Variants in PPM1E observed in about 807,000 individuals in gnomAD.
PPM1E encodes protein phosphatase 1E.
A neutral mutation model predicts 65.9 loss-of-function variants in PPM1E; 20 were observed. That is an observed-to-expected ratio of 0.30 (90% CI 0.21 to 0.44). The LOEUF (loss-of-function observed/expected upper bound fraction) is 0.44, where lower values mean the gene tolerates loss of function less well. Ranked by LOEUF, PPM1E falls within the 20% of genes least tolerant of loss-of-function variation. PPM1E has a pLI of 1.00. For synonymous variants in PPM1E, 352 were observed against 374.9 expected, an observed-to-expected ratio of 0.94 and a Z score of 0.70; for missense variants, 713 against 953.1, an observed-to-expected ratio of 0.75 and a Z score of 3.32.
intron 1 of PPM1E, among the ~76,000 whole-genome samples, chr17:58,928,355 A>G (rs946876266): frequency 4.6e-5 from 7 of 152,030 alleles, no homozygotes; most frequent in Non-Finnish European, 7.4e-5. Flanking sequence ...TTGATATTTG[A>G]AAGAAATTAT....
At chr17:58,969,839 A>G in intron 4 of PPM1E, 112 bp downstream of exon 4, 1 of 1,006,046 alleles carries the variant, frequency 9.9e-7, no homozygotes, top group Non-Finnish European at 1.4e-6. Flanking sequence ...CATTATCCAA[A>G]CTGTATTCTT....
intron 1 of PPM1E, among the ~76,000 whole-genome samples, chr17:58,877,993 T>C (rs1390501931): frequency 6.6e-6 from 1 of 151,484 alleles, no homozygotes; most frequent in East Asian, 1.9e-4. Context: ...AAAAAAAAAT[T>C]ATGGTTCTGT....
At chr17:58,892,533 A>G (rs1255586904) in intron 1 of PPM1E, among the ~76,000 whole-genome samples, 1 of 152,124 alleles carries the variant, frequency 6.6e-6, no homozygotes, top group Non-Finnish European at 1.5e-5. Context: ...CGATCACACC[A>G]CTGCACTCCA....
chr17:58,883,003 G>A (rs2143397863), intron 1 of PPM1E, among the ~76,000 whole-genome samples: 1 of 136,850 alleles, frequency 7.3e-6, no homozygotes, highest in Admixed American at 8.0e-5. Context: ...CACCCAGGCT[G>A]GAGTGCAGTG....
At chr17:58,959,471 C>T (rs1050778274) in intron 2 of PPM1E, among the ~76,000 whole-genome samples, 2 of 151,530 alleles carry the variant, frequency 1.3e-5, no homozygotes, top group African/African-American at 2.4e-5. Flanking sequence ...TGGTGGCGGG[C>T]GCCTGTAGTC....
intron 1 of PPM1E, among the ~76,000 whole-genome samples, chr17:58,872,142 A>G (rs1027343547): frequency 1.3e-5 from 2 of 152,106 alleles, no homozygotes; most frequent in African/African-American, 4.8e-5. Flanking sequence ...TACTAAAAAT[A>G]CAAAATTAGC....
chr17:58,832,873 G>A (rs1436761480), intron 1 of PPM1E, among the ~76,000 whole-genome samples: 1 of 152,100 alleles, frequency 6.6e-6, no homozygotes, highest in Non-Finnish European at 1.5e-5. Context: ...GAGTGCAGTG[G>A]TGTGGTCTTA....
At chr17:58,785,117 G>T (rs555311515) in intron 1 of PPM1E, among the ~76,000 whole-genome samples, 1 of 151,956 alleles carries the variant, frequency 6.6e-6, no homozygotes, top group South Asian at 2.1e-4. Context: ...TTTCATTTAG[G>T]TCTAAGATTT....
At chr17:58,955,615 T>C in intron 1 of PPM1E, 34 bp from the exon 2 acceptor site, 1 of 1,609,104 alleles carries the variant, frequency 6.2e-7, no homozygotes, top group Non-Finnish European at 8.5e-7. Context: ...CTAATTCTTT[T>C]GCTGAAAATG....
chr17:58,863,339 A>G (rs2050962631), intron 1 of PPM1E, among the ~76,000 whole-genome samples: 1 of 152,184 alleles, frequency 6.6e-6, no homozygotes, highest in Non-Finnish European at 1.5e-5. Context: ...GGGAGCATGC[A>G]GGTGAGCAGT....
intron 1 of PPM1E, among the ~76,000 whole-genome samples, chr17:58,925,604 C>G (rs899649353): frequency 6.6e-6 from 1 of 151,702 alleles, no homozygotes; most frequent in African/African-American, 2.4e-5. Flanking sequence ...CCATGCCCAG[C>G]TAATTTTTTG....
At chr17:58,933,573 AT>A (rs2051931564) in intron 1 of PPM1E, among the ~76,000 whole-genome samples, 1 of 152,204 alleles carries the variant, frequency 6.6e-6, no homozygotes, top group Non-Finnish European at 1.5e-5. Flanking sequence ...AGGTGGGTGG[AT>A]CACCTGAGAT....
At chr17:58,860,810 G>A (rs1233725233) in intron 1 of PPM1E, among the ~76,000 whole-genome samples, 1 of 152,124 alleles carries the variant, frequency 6.6e-6, no homozygotes, top group Non-Finnish European at 1.5e-5. Context: ...CGGGCATGGT[G>A]CACATGTAAT....
chr17:58,898,558 G>T (rs1415928196), intron 1 of PPM1E, among the ~76,000 whole-genome samples: 1 of 152,152 alleles, frequency 6.6e-6, no homozygotes. Flanking sequence ...TACACTGTTG[G>T]TGGGAGTGTA....
chr17:58,930,656 A>G (rs2051882452), intron 1 of PPM1E, among the ~76,000 whole-genome samples: 1 of 152,196 alleles, frequency 6.6e-6, no homozygotes, highest in Non-Finnish European at 1.5e-5. Context: ...GGAAATAAGT[A>G]AACGAAAAAA....
At chr17:58,854,550 CAT>C (rs1481053399) in intron 1 of PPM1E, among the ~76,000 whole-genome samples, 1 of 152,020 alleles carries the variant, frequency 6.6e-6, no homozygotes, top group Non-Finnish European at 1.5e-5. Flanking sequence ...GTGGGTTTTT[CAT>C]ATATGACTTT....
chr17:58,940,169 G>A (rs2052045213), intron 1 of PPM1E, among the ~76,000 whole-genome samples: 2 of 152,196 alleles, frequency 1.3e-5, no homozygotes, highest in African/African-American at 4.8e-5. Context: ...ATGAAAGAAA[G>A]CAGCTTGCTA....
intron 1 of PPM1E, among the ~76,000 whole-genome samples, chr17:58,869,613 T>C (rs533924016): frequency 6.6e-6 from 1 of 152,320 alleles, no homozygotes; most frequent in Admixed American, 6.5e-5. Context: ...TGCTTCTTCT[T>C]GTACAGTCTT....
chr17:58,755,923 G>A lies in PPM1E; in HGVS notation c.-75G>A. ...TTAACCGCCCTTGCCGGAGCCCTAG[G>A]CTCAAAAGCAGCCCCTTACCCTTCC... On this transcript the variant is annotated 5_prime_UTR_variant, in exon 1 of 7. Transcript: ENST00000308249. 6.3e-7 allele frequency: 1 copy of A among 1,590,672 alleles called. No individual in the cohort carries two copies. The highest frequency in any genetic ancestry group is 2.2e-5 in the East Asian group (1 of 44,548).
Sources: gnomAD v4.1 joint callset for allele counts (sites outside exome capture counted in the v4.1 genomes callset) on GRCh38, gnomAD v4.1.1 for gene constraint, MANE v1.5 for transcripts, NCBI Gene and HGNC (gene_info 2026-07-23, HGNC 2026-07-21) for gene names.